HTR4: variants seen among roughly 807,000 people sequenced by gnomAD.
The protein encoded by HTR4 is 5-hydroxytryptamine (serotonin) receptor 4, G protein-coupled.
A neutral mutation model predicts 36.8 loss-of-function variants in HTR4; 16 were observed. The observed-to-expected ratio is 0.43, with a 90% CI of 0.29 to 0.66. The LOEUF is 0.66. Among genes scored for constraint, HTR4 ranks in the 30% least tolerant of loss-of-function variants. The probability of loss-of-function intolerance (pLI) is 0.13; values close to 1 mark genes in which losing one functional copy is unlikely to be tolerated. For synonymous variants in HTR4, 189 were observed against 185.1 expected, an observed-to-expected ratio of 1.02 and a Z score of -0.17; for missense variants, 438 against 490.9, an observed-to-expected ratio of 0.89 and a Z score of 1.02.
rs530707940 is a variant in HTR4 at position 148,512,855 on chromosome 5, C to T, written c.508-2831G>A. ...CTGAGGCACTAGAATCGCTTGAACC[C>T]GGGAGGCAGAGGTTGCAGTGAGCTA... On this transcript the variant is annotated intron_variant, in intron 5 of 6. Transcript: ENST00000377888. Among the ~76,000 whole-genome samples the T allele has an allele frequency of 9.2e-5, 14 of 152,154 alleles. No individual in the cohort carries two copies. In the Middle Eastern group the frequency reaches 0.01, roughly 112 times the overall value.
intron 2 of HTR4, among the ~76,000 whole-genome samples, chr5:148,594,351 CGT>C (rs59165561): frequency 0.028 from 4,129 of 148,454 alleles, 79 homozygotes; most frequent in African/African-American, 0.05. Flanking sequence ...TTCTGGGTTT[CGT>C]GTGTGTGTGT....
At chr5:148,542,421 A>G (rs143110922) in intron 4 of HTR4, among the ~76,000 whole-genome samples, 1 of 152,246 alleles carries the variant, frequency 6.6e-6, no homozygotes, top group African/African-American at 2.4e-5. Context: ...TCTCCAGCAC[A>G]AGATTAAACA....
At chr5:148,652,486 C>T (rs1350460268) in intron 1 of HTR4, among the ~76,000 whole-genome samples, 1 of 152,134 alleles carries the variant, frequency 6.6e-6, no homozygotes, top group African/African-American at 2.4e-5. Context: ...TGAACAGAAT[C>T]AGGGAGGTCC....
intron 4 of HTR4, among the ~76,000 whole-genome samples, chr5:148,540,726 C>A (rs1453974410): frequency 1.3e-5 from 2 of 151,812 alleles, no homozygotes; most frequent in African/African-American, 4.8e-5. Context: ...AGAGATAGAA[C>A]CCCAGAGCCC....
intron 5 of HTR4, among the ~76,000 whole-genome samples, chr5:148,471,580 C>A (rs1357129022): frequency 6.6e-6 from 1 of 152,080 alleles, no homozygotes; most frequent in African/African-American, 2.4e-5. Context: ...TCATTGTGCT[C>A]ACAAAAATGG....
chr5:148,486,485 T>A (rs1464919899), intron 6 of HTR4, among the ~76,000 whole-genome samples: 1 of 152,158 alleles, frequency 6.6e-6, no homozygotes, highest in African/African-American at 2.4e-5. Context: ...AGCCTCCAGT[T>A]GAGTGACTGG....
intron 6 of HTR4, among the ~76,000 whole-genome samples, chr5:148,497,349 T>C (rs917661342): frequency 3.3e-5 from 5 of 152,212 alleles, no homozygotes; most frequent in Non-Finnish European, 4.4e-5. Context: ...CGTCCATCCT[T>C]ATGAAATATC....
intron 2 of HTR4, among the ~76,000 whole-genome samples, chr5:148,615,712 TAAAATA>T (rs1561652122): frequency 6.8e-6 from 1 of 146,900 alleles, no homozygotes; most frequent in Admixed American, 6.8e-5. Flanking sequence ...AAGAAAGAAA[TAAAATA>T]AAATAAAATA....
chr5:148,552,993 G>A (rs1239117269), intron 2 of HTR4, among the ~76,000 whole-genome samples: 1 of 152,160 alleles, frequency 6.6e-6, no homozygotes, highest in East Asian at 1.9e-4. Context: ...AAGGCCCAGA[G>A]ATGAAATGCA....
chr5:148,460,716 C>A (rs1185713558), intron 5 of HTR4, among the ~76,000 whole-genome samples: 1 of 152,064 alleles, frequency 6.6e-6, no homozygotes, highest in African/African-American at 2.4e-5. Flanking sequence ...GGAAGAGCAT[C>A]AGAGAAGGAA....
chr5:148,539,849 A>G (rs1759018083), intron 4 of HTR4, among the ~76,000 whole-genome samples: 1 of 152,204 alleles, frequency 6.6e-6, no homozygotes, highest in African/African-American at 2.4e-5. Context: ...CTATCATTCA[A>G]CCCAGCAATC....
intron 4 of HTR4, among the ~76,000 whole-genome samples, chr5:148,529,368 T>C (rs1256101613): frequency 1.3e-5 from 2 of 152,114 alleles, no homozygotes; most frequent in Non-Finnish European, 2.9e-5. Flanking sequence ...TGGGAGGTGA[T>C]TGAATCACGG....
chr5:148,624,208 C>A (rs541729235), intron 2 of HTR4, among the ~76,000 whole-genome samples: 1 of 152,178 alleles, frequency 6.6e-6, no homozygotes, highest in African/African-American at 2.4e-5. Context: ...TGTAATAATA[C>A]CAGTATCTGT....
Position 148,632,407 on chromosome 5 carries a change from C to G in HTR4, c.26+4582G>C, listed in dbSNP as rs1181795510. On this transcript the variant is annotated intron_variant, in intron 2 of 6. Coordinates refer to ENST00000377888, the MANE Select transcript of HTR4 (RefSeq NM_000870.7). ...AACAGTCATTTCGTGGAGAAGAAGC[C>G]GATCCTTAAATGAGGTTGTTCTTAT... Among the ~76,000 whole-genome samples the G allele has an allele frequency of 2.0e-5, 3 of 152,144 alleles. No individual in the cohort carries two copies. The East Asian group carries it at 5.8e-4, about 29-fold the overall frequency.
chr5:148,510,103 GGGAA>G, intron 5 of HTR4, 79 bp from the exon 6 acceptor site: 1 of 882,646 alleles, frequency 1.1e-6, no homozygotes, highest in South Asian at 1.8e-5. Context: ...GGGAAAAATG[GGGAA>G]GAGTGTGAGA....
intron 2 of HTR4, among the ~76,000 whole-genome samples, chr5:148,598,183 G>A (rs1348082307): frequency 6.6e-6 from 1 of 152,084 alleles, no homozygotes; most frequent in Non-Finnish European, 1.5e-5. Flanking sequence ...GAGGAGCTGA[G>A]GGAAGGACAG....
At chr5:148,468,571 TG>T (rs1258065127) in intron 5 of HTR4, among the ~76,000 whole-genome samples, 1 of 152,198 alleles carries the variant, frequency 6.6e-6, no homozygotes, top group Non-Finnish European at 1.5e-5. Flanking sequence ...TCACAACAGT[TG>T]GGGAACAAGT....
At chr5:148,495,392 T>C (rs2113743031) in intron 6 of HTR4, among the ~76,000 whole-genome samples, 1 of 152,302 alleles carries the variant, frequency 6.6e-6, no homozygotes, top group East Asian at 1.9e-4. Context: ...GCACCGCTAG[T>C]CCCTTTTCTG....
intron 2 of HTR4, among the ~76,000 whole-genome samples, chr5:148,588,695 C>A (rs1451131952): frequency 6.6e-6 from 1 of 150,670 alleles, no homozygotes; most frequent in Middle Eastern, 3.4e-3. Context: ...CGCCCGCCAC[C>A]GCGCCCGGCT....
Sources: allele counts gnomAD v4.1 joint callset (sites outside exome capture counted in the v4.1 genomes callset), GRCh38; gene constraint gnomAD v4.1.1; transcripts MANE v1.5; gene names NCBI Gene and HGNC (gene_info 2026-07-23, HGNC 2026-07-21).